Variants in ABCA1 observed in about 807,000 individuals in gnomAD.
The protein encoded by ABCA1 is ATP binding cassette subfamily A member 1, also known as phospholipid-transporting ATPase ABCA1.
Under a neutral mutation model 262.5 loss-of-function variants are expected in ABCA1, and 133 were observed. The observed-to-expected ratio is 0.51, with a 90% CI of 0.44 to 0.59. The LOEUF is 0.59. Among genes scored for constraint, ABCA1 ranks in the 20% least tolerant of loss-of-function variants. The probability of loss-of-function intolerance (pLI) is 0.00; values close to 1 mark genes in which losing one functional copy is unlikely to be tolerated. For synonymous variants in ABCA1, 1,022 were observed against 1,043.5 expected (o/e 0.98, Z 0.40); for missense variants, 2,452 against 2,777.5 (o/e 0.88, Z 2.63).
rs1831848096 is a variant in ABCA1 at position 104,817,151 on chromosome 9, C to T, written c.3535+181G>A. ...CTCCCAAACCGAGCCCCAGGCACCC[C>T]AGCAAGCATTAGGCCAACCCGCCAC... On this transcript the variant is annotated intron_variant, in intron 24 of 49. Transcript: ENST00000374736. This position sits in a 1 kb window ranked among gnomAD's most constrained non-coding sequence, Gnocchi z 4.7. 1 of 956,346 alleles carries T rather than the reference C, an allele frequency of 1.0e-6. No individual in the cohort carries two copies. Among genetic ancestry groups the T allele is most frequent in the Non-Finnish European group, 1.2e-6 (1 of 803,620 alleles). 59.2% of individuals were successfully genotyped at this position (956,346 alleles called of 1,614,324 possible).
intron 36 of ABCA1, chr9:104,799,398 AC>A (rs1830150481): frequency 3.4e-6 from 2 of 588,748 alleles, no homozygotes; most frequent in East Asian, 4.5e-4. Flanking sequence ...TAAACTTCAC[AC>A]ACACACACAC....
chr9:104,922,585 T>C (rs1329108690), intron 1 of ABCA1, among the ~76,000 whole-genome samples: 2 of 152,138 alleles, frequency 1.3e-5, no homozygotes, highest in African/African-American at 2.4e-5. Context: ...TAAAAACATA[T>C]CCAACATACC....
chr9:104,836,970 G>T lies in ABCA1; in HGVS notation c.1311+10C>A. 6.2e-7 allele frequency: 1 copy of T among 1,603,788 alleles called. No individual in the cohort carries two copies. Among genetic ancestry groups the T allele is most frequent in the Non-Finnish European group, 8.5e-7 (1 of 1,170,664 alleles). ...AGCAGGCACATGGTAATAATGGGAG[G>T]GACACTCACCCGGACAAGGTCCATT... On this transcript the variant is annotated intron_variant, in intron 11 of 49. Transcript: ENST00000374736.
chr9:104,916,712 CT>C (rs1426177735), intron 1 of ABCA1, among the ~76,000 whole-genome samples: 2 of 152,146 alleles, frequency 1.3e-5, no homozygotes, highest in Non-Finnish European at 2.9e-5. Context: ...CAGAGTTTCG[CT>C]CTGTCACCCA....
intron 30 of ABCA1, among the ~76,000 whole-genome samples, chr9:104,806,844 A>G (rs1830812660): frequency 6.6e-6 from 1 of 152,164 alleles, no homozygotes; most frequent in South Asian, 2.1e-4. Flanking sequence ...GACGAACAAC[A>G]AATACACTAA....
At chr9:104,865,515 C>CAAAAAAAAAAAAAA in intron 5 of ABCA1, among the ~76,000 whole-genome samples, 1 of 66,996 alleles carries the variant, frequency 1.5e-5, no homozygotes, top group Non-Finnish European at 3.1e-5. Flanking sequence ...GACTCTGTCT[C>CAAAAAAAAAAAAAA]AAAAAAAAAA....
At chr9:104,824,803 A>G (rs1832679645) in intron 17 of ABCA1, among the ~76,000 whole-genome samples, 1 of 152,184 alleles carries the variant, frequency 6.6e-6, no homozygotes, top group African/African-American at 2.4e-5. Flanking sequence ...TGCCATCCCC[A>G]TTTTAGAGAT....
intron 1 of ABCA1, among the ~76,000 whole-genome samples, chr9:104,914,500 TAAA>T (rs80006856): frequency 7.3e-6 from 1 of 136,272 alleles, no homozygotes. Flanking sequence ...AACTCCATCT[TAAA>T]AAAAAAAAAA....
chr9:104,867,449 A>T (rs1007352549), intron 5 of ABCA1, among the ~76,000 whole-genome samples: 1 of 152,248 alleles, frequency 6.6e-6, no homozygotes, highest in African/African-American at 2.4e-5. Flanking sequence ...ACCTTAAAGC[A>T]TATTCAGAAT....
chr9:104,837,077 T>G lies in ABCA1; in HGVS notation c.1214A>C (p.Glu405Ala). 1 of 1,613,586 alleles carries G rather than the reference T, an allele frequency of 6.2e-7. No individual in the cohort carries two copies. The highest frequency in any genetic ancestry group is 8.5e-7 in the Non-Finnish European group (1 of 1,180,000). The change falls in exon 11 of 50, where the codon GAA becomes GCA. Residue 405 changes from glutamate (E) to alanine (A), a missense_variant. By Grantham distance (107) the Glu-to-Ala change is moderately radical. Coordinates refer to ENST00000374736, the MANE Select transcript of ABCA1 (RefSeq NM_005502.4). ...VMAEVNKTFQELAVFHDLEGM... is the reference protein window; with the variant it reads ...VMAEVNKTFQALAVFHDLEGM... ...TTCCAGATCATGGAACACAGCCAGT[T>G]CCTGGAAGGTCTTGTTCACCTGGAG...
At chr9:104,826,638 G>T (rs1280168319) in intron 16 of ABCA1, among the ~76,000 whole-genome samples, 1 of 152,216 alleles carries the variant, frequency 6.6e-6, no homozygotes, top group Non-Finnish European at 1.5e-5. Context: ...AAAGGGCAGA[G>T]ATGGCATCTG....
chr9:104,792,013 A>C lies in ABCA1; in HGVS notation c.5758-15T>G. On this transcript the variant is annotated splice_polypyrimidine_tract_variant and intron_variant, in intron 42 of 49. Transcript: ENST00000374736. ...CTTCTATATATCTGCAACAAACAAA[A>C]TGTAAACATTCATAAGCCTCAGTGA... 6.2e-7 allele frequency: 1 copy of C among 1,611,206 alleles called. No individual in the cohort carries two copies. Among genetic ancestry groups the C allele is most frequent in the Non-Finnish European group, 8.5e-7 (1 of 1,178,756 alleles).
intron 1 of ABCA1, among the ~76,000 whole-genome samples, chr9:104,926,473 A>AC (rs747685049): frequency 0.024 from 3,633 of 148,784 alleles, 72 homozygotes; most frequent in Non-Finnish European, 0.039. Flanking sequence ...AAAAAAACAA[A>AC]AAAAAAAAAA....
At chr9:104,854,970 C>T (rs1172556143) in intron 7 of ABCA1, among the ~76,000 whole-genome samples, 4 of 152,182 alleles carry the variant, frequency 2.6e-5, no homozygotes, top group African/African-American at 9.6e-5. Flanking sequence ...AAGCAGAGAA[C>T]ACCTAATGGA....
intron 40 of ABCA1, among the ~76,000 whole-genome samples, chr9:104,793,720 G>C (rs547424458): frequency 1.3e-5 from 2 of 152,096 alleles, no homozygotes; most frequent in East Asian, 1.9e-4. Context: ...ATATATCCTA[G>C]TGAATCAATT....
rs752528416 is a variant in ABCA1 at position 104,809,546 on chromosome 9, G to A, written c.4194C>T (p.Asp1398=). Residue 1398 remains aspartate, a synonymous_variant, in exon 30 of 50, where the codon GAC becomes GAT. Transcript: ENST00000374736. ...YTFVSNDAPE[D]TGTLELLNAL... ...CGTTTAAGAGTTCCAGGGTTCCCGT[G>A]TCCTCAGGAGCATCATTGCTGTGGG... 82 of 1,614,054 alleles carry A rather than the reference G, an allele frequency of 5.1e-5. No homozygotes were observed. The highest frequency in any genetic ancestry group is 6.8e-5 in the Non-Finnish European group (80 of 1,180,028).
Position 104,796,405 on chromosome 9 carries a change from G to A in ABCA1, c.5141C>T (p.Ala1714Val), listed in dbSNP as rs1161746002. ...VWDMCNYVVPATLVIIIFICF... is the reference protein window; with the variant it reads ...VWDMCNYVVPVTLVIIIFICF... ...GATGAAGATGATAATGACCAGTGTG[G>A]CAGGGACAACGTAATTGCACTAAAA... The change falls in exon 38 of 50, where the codon GCC becomes GTC. Residue 1714 changes from alanine to valine, a missense_variant. Physicochemically the swap from Ala to Val is moderately conservative, Grantham distance 64. Coordinates refer to ENST00000374736, the MANE Select transcript of ABCA1 (RefSeq NM_005502.4). The A allele has an allele frequency of 6.2e-7, 1 of 1,613,948 alleles. No individual in the cohort carries two copies. The highest frequency in any genetic ancestry group is 8.5e-7 in the Non-Finnish European group (1 of 1,179,974).
chr9:104,836,994 T>A lies in ABCA1; in HGVS notation c.1297A>T (p.Met433Leu), dbSNP rs1833872579. The change falls in exon 11 of 50, where the codon ATG becomes TTG. Residue 433 changes from methionine (M) to leucine (L), a missense_variant. Coordinates refer to ENST00000374736, the MANE Select transcript of ABCA1 (RefSeq NM_005502.4). ...GGGACACTCACCCGGACAAGGTCCATTTCTTGGCTGTTCTCCATGAAGGTC... is the reference window on the plus strand; with the variant it reads ...GGGACACTCACCCGGACAAGGTCCAATTCTTGGCTGTTCTCCATGAAGGTC... ...IWTFMENSQE[M>L]DLVRMLLDSR... is the part of the protein sequence containing the mutation. 1 of 1,613,942 alleles carries A rather than the reference T, an allele frequency of 6.2e-7. No individual in the cohort carries two copies. Among genetic ancestry groups the A allele is most frequent in the East Asian group, 2.2e-5 (1 of 44,862 alleles).
chr9:104,788,556 T>C lies in ABCA1; in HGVS notation c.5939A>G (p.Asn1980Ser). 4 of 1,614,158 alleles carry C rather than the reference T, an allele frequency of 2.5e-6. 1 individual carries two copies. The highest frequency in any genetic ancestry group is 1.7e-4 in the Middle Eastern group (1 of 6,060). ...AFLNKNSILS[N>S]IHEVHQNMGY... ...CATGTTCTGATGTACTTCATGGATG[T>C]TTGATAAGATACTGCAAAGGACAAG... Residue 1980 changes from asparagine (N) to serine (S), a missense_variant, in exon 45 of 50, where the codon AAC (asparagine) becomes AGC (serine). Asn to Ser is a conservative substitution (Grantham distance 46). Around this residue, in one of 4 missense-constraint regions of ABCA1, gnomAD observed 752 missense variants for 944.5 expected, o/e 0.80. Transcript: ENST00000374736.
Sources: gnomAD v4.1 joint callset for allele counts (sites outside exome capture counted in the v4.1 genomes callset) on GRCh38, gnomAD v4.1.1 for gene constraint, gnomAD v4.1.1 regional missense constraint, Gnocchi (gnomAD v3.1) non-coding constraint, MANE v1.5 for transcripts, NCBI Gene and HGNC (gene_info 2026-07-23, HGNC 2026-07-21) for gene names.